Variants in TADA3 observed in about 807,000 individuals in gnomAD.
TADA3 encodes transcriptional adapter 3.
Under a neutral mutation model 43.2 loss-of-function variants are expected in TADA3, and 25 were observed. The ratio of observed to expected loss-of-function variants is 0.58; its 90% CI spans 0.42 to 0.81. TADA3 has a LOEUF of 0.81. Ranked by LOEUF, TADA3 falls within the 30% of genes least tolerant of loss-of-function variation. TADA3 has a pLI of 0.00. For synonymous variants in TADA3, 235 were observed against 225.5 expected (o/e 1.04, Z -0.38); for missense variants, 441 against 567.8 (o/e 0.78, Z 2.27).
At chr3:9,782,704 C>T (rs569886397) in intron 8 of TADA3, among the ~76,000 whole-genome samples, 2 of 151,194 alleles carry the variant, frequency 1.3e-5, no homozygotes, top group South Asian at 2.1e-4. Flanking sequence ...GGCAGGAGAA[C>T]TGCCTGAACC....
chr3:9,792,715 G>A, upstream of TADA3: 1 of 1,234,624 alleles, frequency 8.1e-7, no homozygotes, highest in African/African-American at 1.5e-5. Flanking sequence ...GGTAGGAGGG[G>A]CGAGAGAAAG....
chr3:9,789,431 G>C, intron 4 of TADA3, 78 bp downstream of exon 4: 1 of 1,344,676 alleles, frequency 7.4e-7, no homozygotes, highest in Non-Finnish European at 1.0e-6. Flanking sequence ...ATGATGCATG[G>C]CTTTGGTAGC....
chr3:9,783,919 A>T (rs1181647900), intron 8 of TADA3, 109 bp downstream of exon 8: 2 of 1,422,852 alleles, frequency 1.4e-6, no homozygotes, highest in East Asian at 5.2e-5. Context: ...CAGGTGATTT[A>T]GAGGCCAGCC....
Position 9,787,523 on chromosome 3 carries a change from G to C in TADA3, c.565-183C>G, listed in dbSNP as rs2078644386. The C allele has an allele frequency of 4.9e-6, 5 of 1,015,334 alleles. No homozygotes were observed. In the South Asian group the frequency reaches 8.6e-5, roughly 17 times the overall value. 62.9% of individuals were successfully genotyped at this position (1,015,334 alleles called of 1,614,324 possible). On this transcript the variant is annotated intron_variant, in intron 4 of 8. Coordinates refer to ENST00000301964, the MANE Select transcript of TADA3 (RefSeq NM_006354.5). ...CTGTACTTCACACTCTAGTAAGGGA[G>C]ACAGGTCCAAAAAGAACTAAGACAC... is the stretch of plus-strand genomic sequence containing the variant.
intron 2 of TADA3, 53 bp downstream of exon 2, chr3:9,791,207 C>T: frequency 6.4e-7 from 1 of 1,556,940 alleles, no homozygotes; most frequent in African/African-American, 1.4e-5. Context: ...ATGACCCATC[C>T]CATAACTTGT....
Position 9,780,366 on chromosome 3 carries a change from C to T in TADA3, c.1290G>A (p.Leu430=). The T allele has an allele frequency of 1.2e-6, 2 of 1,612,488 alleles. No individual in the cohort carries two copies. The highest frequency in any genetic ancestry group is 2.2e-5 in the East Asian group (1 of 44,860). The stretch of plus-strand genomic sequence containing the variant: ...GAGGCAGGGGTGAGGGCTACCCATC[C>T]AGCAGCTTCAGGATGCTCTCACGCT... ...LKERESILKL[L]DG The change falls in exon 9 of 9, where the codon CTG becomes CTA. Residue 430 remains leucine, a synonymous_variant. Transcript: ENST00000301964.
intron 6 of TADA3, 69 bp downstream of exon 6, chr3:9,786,937 A>AC: frequency 7.1e-7 from 1 of 1,410,420 alleles, no homozygotes; most frequent in South Asian, 1.2e-5. Flanking sequence ...ATAAATTCCG[A>AC]TAAAAAATAA....
At chr3:9,789,069 C>T (rs547891283) in intron 4 of TADA3, among the ~76,000 whole-genome samples, 1 of 152,256 alleles carries the variant, frequency 6.6e-6, no homozygotes, top group Non-Finnish European at 1.5e-5. Flanking sequence ...TTCCTGAGCT[C>T]AAGCAATCTG....
At chr3:9,786,282 G>C (rs896699719) in intron 6 of TADA3, among the ~76,000 whole-genome samples, 1 of 152,122 alleles carries the variant, frequency 6.6e-6, no homozygotes, top group Non-Finnish European at 1.5e-5. Context: ...ATTACGCCCA[G>C]AGTGACCTTG....
chr3:9,780,149 C>A lies in TADA3; in HGVS notation c.*208G>T. 1 of 491,632 alleles carries A rather than the reference C, an allele frequency of 2.0e-6. No homozygotes were observed. Among genetic ancestry groups the A allele is most frequent in the Non-Finnish European group, 3.6e-6 (1 of 279,592 alleles). 30.5% of individuals were successfully genotyped at this position (491,632 alleles called of 1,614,324 possible). On this transcript the variant is annotated 3_prime_UTR_variant, in exon 9 of 9. Coordinates refer to ENST00000301964, the MANE Select transcript of TADA3 (RefSeq NM_006354.5). ...CCCCATCTCGGGGACCAAGCAGAGA[C>A]TAGGCCTCAGGCTAGCCCAGCAGGG...
chr3:9,784,842 C>T (rs1036129182), intron 7 of TADA3, among the ~76,000 whole-genome samples: 8 of 146,414 alleles, frequency 5.5e-5, no homozygotes, highest in Admixed American at 2.1e-4. Flanking sequence ...CCAACCTAAA[C>T]GACAAGAGCG....
At chr3:9,790,035 A>C in intron 2 of TADA3, 72 bp from the exon 3 acceptor site, 1 of 1,496,514 alleles carries the variant, frequency 6.7e-7, no homozygotes, top group South Asian at 1.4e-5. Flanking sequence ...CTAGTGAATA[A>C]ATTAGGATCT....
At chr3:9,788,875 G>T (rs1274792928) in intron 4 of TADA3, among the ~76,000 whole-genome samples, 1 of 142,688 alleles carries the variant, frequency 7.0e-6, no homozygotes, top group Non-Finnish European at 1.5e-5. Context: ...TTGCTCTGTT[G>T]CCCAGGCTGG....
At position 9,784,153 on chromosome 3, in the gene TADA3, A is replaced by G. The variant is rs745915291; in HGVS notation, c.981T>C (p.Leu327=). 6.4e-5 allele frequency: 103 copies of G among 1,614,012 alleles called. No homozygotes were observed. The highest frequency in any genetic ancestry group is 8.3e-5 in the Non-Finnish European group (98 of 1,179,980). Residue 327 remains leucine (L), a synonymous_variant, in exon 8 of 9, where the codon CTT becomes CTC. Coordinates refer to ENST00000301964, the MANE Select transcript of TADA3 (RefSeq NM_006354.5). ...CTGCGGGGCGGTCCTCAGACTCCAA[A>G]AGGCCCTGGGCAATTAGCTCCTCCT... The part of the protein sequence containing the change: ...RIKEELIAQG[L]LESEDRPAED...
intron 1 of TADA3, 45 bp from the exon 2 acceptor site, chr3:9,791,538 A>G: frequency 7.9e-7 from 1 of 1,270,676 alleles, no homozygotes; most frequent in Non-Finnish European, 1.1e-6. Context: ...TGGTCTGAGA[A>G]AAGCCCAAGG....
At chr3:9,790,847 C>T (rs1019134600) in intron 2 of TADA3, among the ~76,000 whole-genome samples, 1 of 152,152 alleles carries the variant, frequency 6.6e-6, no homozygotes, top group East Asian at 1.9e-4. Flanking sequence ...TGCTAGCAAG[C>T]GCTTATGCCA....
chr3:9,792,770 G>A, upstream of TADA3: 1 of 1,248,642 alleles, frequency 8.0e-7, no homozygotes, highest in South Asian at 3.3e-5. Flanking sequence ...CGTCCGCTTC[G>A]GCTTGTCCTA....
At chr3:9,780,655 G>T in intron 8 of TADA3, 106 bp from the exon 9 acceptor site, 2 of 1,214,464 alleles carry the variant, frequency 1.6e-6, no homozygotes, top group Non-Finnish European at 2.3e-6. Flanking sequence ...GCATGCCTGT[G>T]GATTGTGTCA....
chr3:9,782,497 C>A (rs2078499928), intron 8 of TADA3, among the ~76,000 whole-genome samples: 1 of 152,198 alleles, frequency 6.6e-6, no homozygotes, highest in South Asian at 2.1e-4. Context: ...TCCTTAAATA[C>A]CCTGGCAGCT....
Sources: allele counts gnomAD v4.1 joint callset (sites outside exome capture counted in the v4.1 genomes callset), GRCh38; gene constraint gnomAD v4.1.1; transcripts MANE v1.5; gene names NCBI Gene and HGNC (gene_info 2026-07-23, HGNC 2026-07-21).